GRHL2: variants seen among roughly 807,000 people sequenced by gnomAD.
GRHL2 encodes the protein grainyhead-like protein 2 homolog.
GRHL2 carries 21 observed loss-of-function variants against 83.8 expected under a neutral mutation model. That is an observed-to-expected ratio of 0.25 (90% CI 0.18 to 0.36). GRHL2 has a LOEUF of 0.36. Among genes scored for constraint, GRHL2 ranks in the 10% least tolerant of loss-of-function variants. The pLI, the probability that GRHL2 is intolerant of heterozygous loss-of-function variation, is 1.00. For synonymous variants in GRHL2, 280 were observed against 278.9 expected (o/e 1.00, Z -0.04); for missense variants, 623 against 781.8 (o/e 0.80, Z 2.42).
In GRHL2 at chr8:101,669,509, G is replaced by A. The variant is rs1744490721; in HGVS notation, c.*2806G>A. ...TCATGCAAATGCAACAGAAATAGAG[G>A]GTTTGTGCCAAATGCTATGAACGGC... On this transcript the variant is annotated 3_prime_UTR_variant, in exon 16 of 16. Coordinates refer to ENST00000646743, the MANE Select transcript of GRHL2 (RefSeq NM_024915.4). 1 of 151,962 alleles carries A rather than the reference G, an allele frequency of 6.6e-6. No individual in the cohort carries two copies. The highest frequency in any genetic ancestry group is 2.4e-5 in the African/African-American group (1 of 41,286). The allele number at this position is 151,962 out of a possible 1,614,324, so 9.4% of individuals were successfully genotyped here. A position where few individuals can be genotyped will look rare whatever the true frequency, so the allele number is the denominator to read the frequency against.
intron 8 of GRHL2, among the ~76,000 whole-genome samples, chr8:101,604,230 T>G (rs146810618): frequency 2.6e-5 from 4 of 152,234 alleles, no homozygotes; most frequent in Admixed American, 2.0e-4. Context: ...AGAAGTAGAT[T>G]TGTTGGTCAC....
intron 1 of GRHL2, among the ~76,000 whole-genome samples, chr8:101,515,879 T>C (rs1222825028): frequency 3.3e-5 from 5 of 152,202 alleles, no homozygotes; most frequent in Non-Finnish European, 5.9e-5. Context: ...TTACTGTACG[T>C]AGTGTGTCAC....
At chr8:101,509,216 T>TTTCTTTCTCTCTCTTTCTTTCTTTCTTC (rs1254062637) in intron 1 of GRHL2, among the ~76,000 whole-genome samples, 3 of 119,878 alleles carry the variant, frequency 2.5e-5, no homozygotes, top group Non-Finnish European at 4.9e-5. Flanking sequence ...TTCTTGTGTG[T>TTTCTTTCTCTCTCTTTCTTTCTTTCTTC]GTGTGTGTGT....
intron 6 of GRHL2, 168 bp downstream of exon 6, chr8:101,573,992 C>T: frequency 1.3e-6 from 1 of 752,536 alleles, no homozygotes; most frequent in Non-Finnish European, 2.2e-6. Flanking sequence ...CGTAGTTGAT[C>T]ATTGTAATCA....
At chr8:101,595,932 A>G (rs1188133805) in intron 7 of GRHL2, among the ~76,000 whole-genome samples, 1 of 152,070 alleles carries the variant, frequency 6.6e-6, no homozygotes, top group Non-Finnish European at 1.5e-5. Flanking sequence ...CATCCTGGCT[A>G]ACACAGTGAA....
chr8:101,651,344 A>G (rs926632628), intron 14 of GRHL2, among the ~76,000 whole-genome samples: 2 of 152,228 alleles, frequency 1.3e-5, no homozygotes, highest in Non-Finnish European at 2.9e-5. Context: ...AGATTCTGAT[A>G]CTTCTGAATT....
chr8:101,642,423 G>T (rs1462908343), intron 12 of GRHL2, among the ~76,000 whole-genome samples: 1 of 152,194 alleles, frequency 6.6e-6, no homozygotes, highest in Admixed American at 6.5e-5. Flanking sequence ...CCCTCACACA[G>T]CATGATGGAG....
intron 1 of GRHL2, among the ~76,000 whole-genome samples, chr8:101,518,490 C>G (rs1158149412): frequency 1.3e-5 from 2 of 152,158 alleles, no homozygotes; most frequent in Non-Finnish European, 2.9e-5. Context: ...AGTACCCATA[C>G]AGGATCACCT....
chr8:101,597,489 A>G (rs1812414764), intron 7 of GRHL2, among the ~76,000 whole-genome samples: 1 of 152,196 alleles, frequency 6.6e-6, no homozygotes, highest in Non-Finnish European at 1.5e-5. Context: ...ACCATGGAAT[A>G]CTATGCAGCC....
At chr8:101,676,069 T>A in the GRHL2 span, among the ~76,000 whole-genome samples, 57,244 of 149,618 alleles carry the variant, frequency 0.38, 10,890 homozygotes, top group South Asian at 0.51. Context: ...TCAAGATGGA[T>A]TAAAGACTTA....
chr8:101,519,410 AT>A (rs5893567), intron 1 of GRHL2, among the ~76,000 whole-genome samples: 146,335 of 151,844 alleles, frequency 0.96, 70,691 homozygotes, highest in Non-Finnish European at 1. Flanking sequence ...TATTACTTGA[AT>A]TTTTTTTTAA....
intron 8 of GRHL2, 152 bp downstream of exon 8, chr8:101,599,303 G>A (rs550910314): frequency 3.7e-5 from 25 of 684,920 alleles, no homozygotes; most frequent in African/African-American, 3.6e-4. Context: ...AGAAAAGGGA[G>A]TGTGCTCCTC....
chr8:101,653,294 G>T (rs1236330620), intron 14 of GRHL2, among the ~76,000 whole-genome samples: 1 of 152,146 alleles, frequency 6.6e-6, no homozygotes, highest in African/African-American at 2.4e-5. Flanking sequence ...CAGAAAAAAT[G>T]CTCAGTGAGT....
chr8:101,670,194 C>G (rs778039503), downstream of GRHL2, among the ~76,000 whole-genome samples: 1 of 152,192 alleles, frequency 6.6e-6, no homozygotes, highest in African/African-American at 2.4e-5. Context: ...TCTGTTGGCT[C>G]GAATGTGAAC....
intron 15 of GRHL2, among the ~76,000 whole-genome samples, chr8:101,665,523 AC>A: frequency 6.6e-6 from 1 of 152,178 alleles, no homozygotes; most frequent in Non-Finnish European, 1.5e-5. Flanking sequence ...TGCACGTTAT[AC>A]TTCTTGCCGA....
chr8:101,680,432 C>T, the GRHL2 span, among the ~76,000 whole-genome samples: 1 of 149,062 alleles, frequency 6.7e-6, no homozygotes, highest in African/African-American at 2.5e-5. Context: ...AAAGCAAGTG[C>T]TTAGTGACCT....
At chr8:101,589,259 A>G (rs1206881042) in intron 7 of GRHL2, among the ~76,000 whole-genome samples, 6 of 152,218 alleles carry the variant, frequency 3.9e-5, no homozygotes, top group Admixed American at 2.0e-4. Flanking sequence ...TGATTTACAA[A>G]TTAAATTTGT....
At position 101,666,756 on chromosome 8, in the gene GRHL2, G is replaced by C; in HGVS notation, c.*53G>C. Reference sequence around the variant, plus strand: ...GAGCTCTCAGTGCGTTCCTCCCTGAGAGAGACAGAAGCCCCAGCCCCAGAA... The same window carrying C: ...GAGCTCTCAGTGCGTTCCTCCCTGACAGAGACAGAAGCCCCAGCCCCAGAA... On this transcript the variant is annotated 3_prime_UTR_variant, in exon 16 of 16. Coordinates refer to ENST00000646743, the MANE Select transcript of GRHL2 (RefSeq NM_024915.4). 9.4e-7 allele frequency: 1 copy of C among 1,063,258 alleles called. No individual in the cohort carries two copies. Among genetic ancestry groups the C allele is most frequent in the Non-Finnish European group, 1.5e-6 (1 of 680,036 alleles). The allele number at this position is 1,063,258 out of a possible 1,614,324, so 65.9% of individuals were successfully genotyped here. A position where few individuals can be genotyped will look rare whatever the true frequency, so the allele number is the denominator to read the frequency against.
chr8:101,493,694 A>C (rs1810025225), intron 1 of GRHL2, among the ~76,000 whole-genome samples: 1 of 151,322 alleles, frequency 6.6e-6, no homozygotes, highest in Admixed American at 6.6e-5. Flanking sequence ...GGGCGCGCCG[A>C]GCCTTCTCGG....
Sources: allele counts gnomAD v4.1 joint callset (sites outside exome capture counted in the v4.1 genomes callset), GRCh38; gene constraint gnomAD v4.1.1; transcripts MANE v1.5; gene names NCBI Gene and HGNC (gene_info 2026-07-23, HGNC 2026-07-21).